TMCO4: variants seen among roughly 807,000 people sequenced by gnomAD.
The protein encoded by TMCO4 is transmembrane and coiled-coil domain-containing protein 4.
In TMCO4, 58 loss-of-function variants were observed where a neutral mutation model predicts 64.7. The observed-to-expected ratio is 0.90, with a 90% CI of 0.73 to 1.12. The LOEUF is 1.12. Ranked by LOEUF, TMCO4 falls within the 50% of genes most tolerant of loss-of-function variation. The pLI is 0.00. For missense variants in TMCO4, 780 were observed against 825.9 expected, an observed-to-expected ratio of 0.94 and a Z score of 0.68; for synonymous variants, 325 against 346.1, an observed-to-expected ratio of 0.94 and a Z score of 0.68.
At chr1:19,704,083 C>G (rs758186996) in intron 13 of TMCO4, among the ~76,000 whole-genome samples, 1 of 152,220 alleles carries the variant, frequency 6.6e-6, no homozygotes, top group Admixed American at 6.5e-5. Context: ...TGTCTGAATA[C>G]AGGGTTCCAG....
chr1:19,797,888 A>AAG (rs1385392229), intron 2 of TMCO4, among the ~76,000 whole-genome samples: 4 of 136,982 alleles, frequency 2.9e-5, no homozygotes, highest in Non-Finnish European at 3.2e-5. Flanking sequence ...AGAAGAAAGA[A>AAG]AGAGAGAGAG....
intron 13 of TMCO4, among the ~76,000 whole-genome samples, chr1:19,735,654 C>T (rs2095450895): frequency 6.6e-6 from 1 of 152,124 alleles, no homozygotes; most frequent in Admixed American, 6.5e-5. Context: ...GTTACCACAG[C>T]CAAATGGTTC....
At chr1:19,739,378 C>A (rs2095469270) in intron 12 of TMCO4, among the ~76,000 whole-genome samples, 1 of 152,216 alleles carries the variant, frequency 6.6e-6, no homozygotes. Flanking sequence ...ACCAGGCCAC[C>A]AGCATGTGGG....
intron 13 of TMCO4, among the ~76,000 whole-genome samples, chr1:19,712,629 A>G (rs1177877820): frequency 6.6e-6 from 1 of 151,960 alleles, no homozygotes; most frequent in Admixed American, 6.5e-5. Context: ...CAAAAAAAAA[A>G]AAAAAGAAAA....
intron 6 of TMCO4, among the ~76,000 whole-genome samples, chr1:19,770,285 C>A (rs988653211): frequency 6.6e-6 from 1 of 152,164 alleles, no homozygotes; most frequent in Non-Finnish European, 1.5e-5. Flanking sequence ...GGGAAGGAAC[C>A]AGATTCGAGA....
At chr1:19,703,602 C>T (rs2095286662) in intron 13 of TMCO4, among the ~76,000 whole-genome samples, 1 of 149,334 alleles carries the variant, frequency 6.7e-6, no homozygotes, top group Admixed American at 6.7e-5. Context: ...GGCTAGAGTG[C>T]AGTGGTGCAA....
intron 4 of TMCO4, among the ~76,000 whole-genome samples, chr1:19,779,695 A>C (rs2043369310): frequency 6.6e-6 from 1 of 152,202 alleles, no homozygotes; most frequent in Non-Finnish European, 1.5e-5. Context: ...TGAGGGCAGG[A>C]GCTGGGCCTT....
intron 2 of TMCO4, among the ~76,000 whole-genome samples, chr1:19,794,278 A>C (rs2044197912): frequency 6.6e-6 from 1 of 151,916 alleles, no homozygotes; most frequent in South Asian, 2.1e-4. Flanking sequence ...TAGCCCCTTA[A>C]CCCAGCTGCT....
intron 6 of TMCO4, among the ~76,000 whole-genome samples, chr1:19,760,266 G>A (rs2042440197): frequency 6.6e-6 from 1 of 152,052 alleles, no homozygotes; most frequent in South Asian, 2.1e-4. Context: ...CTCCCAAGTA[G>A]CTGGGACTAC....
intron 13 of TMCO4, among the ~76,000 whole-genome samples, chr1:19,711,801 GCATGCGC>G (rs886846318): frequency 2.6e-5 from 4 of 152,160 alleles, no homozygotes; most frequent in Admixed American, 2.0e-4. Context: ...GGGATTACAG[GCATGCGC>G]CACCATGCCT....
At position 19,743,996 on chromosome 1, in the gene TMCO4, C is replaced by T. The variant is rs2041651853; in HGVS notation, c.877+1536G>A. On this transcript the variant is annotated intron_variant, in intron 10 of 15. Coordinates refer to ENST00000294543, the MANE Select transcript of TMCO4 (RefSeq NM_181719.7). The surrounding 1 kb of genome is among the most constrained non-coding windows in gnomAD (Gnocchi z 4.1). The stretch of plus-strand genomic sequence containing the variant: ...ACCTCTGTGCATGGGTGGTGCCCGG[C>T]GGTCACACACCAATAAGACCCTGGC... 2.0e-5 allele frequency among the ~76,000 whole-genome samples: 3 copies of T among 152,204 alleles called. No homozygotes were observed. The highest frequency in any genetic ancestry group is 1.3e-4 in the Admixed American group (2 of 15,284).
chr1:19,724,043 A>G (rs561236431), intron 13 of TMCO4, among the ~76,000 whole-genome samples: 5 of 152,264 alleles, frequency 3.3e-5, no homozygotes, highest in African/African-American at 7.2e-5. Flanking sequence ...TTTGAAAGGC[A>G]GTCGGCAGGC....
chr1:19,764,824 A>T (rs2042659762), intron 6 of TMCO4, among the ~76,000 whole-genome samples: 1 of 144,288 alleles, frequency 6.9e-6, no homozygotes, highest in Non-Finnish European at 1.5e-5. Context: ...CATTGCACTC[A>T]AGAGTGAAAC....
At chr1:19,792,076 T>G (rs1039515055) in intron 2 of TMCO4, among the ~76,000 whole-genome samples, 1 of 152,210 alleles carries the variant, frequency 6.6e-6, no homozygotes, top group East Asian at 1.9e-4. Context: ...CCGCCATGAT[T>G]GTGAGGCCTC....
At position 19,785,056 on chromosome 1, in the gene TMCO4, C is replaced by T. The variant is rs61768339; in HGVS notation, c.-9+1970G>A. Among the ~76,000 whole-genome samples the T allele has an allele frequency of 6.1e-3, 928 of 152,240 alleles. 6 individuals are homozygous for T. The highest frequency in any genetic ancestry group is 8.8e-3 in the Non-Finnish European group (600 of 68,026). ...GTCCCCACACCGGTCTTGTTCACTA[C>T]GCTACAGCCACACTGGCTGTCTTTC... On this transcript the variant is annotated intron_variant, in intron 3 of 15. Transcript: ENST00000294543.
At chr1:19,726,479 C>T (rs528187406) in intron 13 of TMCO4, among the ~76,000 whole-genome samples, 9 of 151,696 alleles carry the variant, frequency 5.9e-5, no homozygotes, top group East Asian at 3.9e-4. Context: ...AAAAAAAACA[C>T]GGGTCAGCCA....
chr1:19,766,073 C>T (rs756917441), intron 6 of TMCO4, among the ~76,000 whole-genome samples: 2 of 150,094 alleles, frequency 1.3e-5, no homozygotes, highest in African/African-American at 2.5e-5. Flanking sequence ...ACCATGCATC[C>T]GTCAGAAGAC....
intron 15 of TMCO4, among the ~76,000 whole-genome samples, chr1:19,692,899 C>T (rs897515261): frequency 3.3e-5 from 5 of 150,822 alleles, no homozygotes; most frequent in Admixed American, 6.6e-5. Context: ...TGGTCAGGCA[C>T]GGTGGCTCAC....
chr1:19,745,903 G>A (rs1288110857), intron 9 of TMCO4, among the ~76,000 whole-genome samples: 1 of 152,186 alleles, frequency 6.6e-6, no homozygotes, highest in Non-Finnish European at 1.5e-5. Flanking sequence ...CAGAGCCCAG[G>A]CTCTCACCCA....
Sources: gnomAD v4.1 joint callset for allele counts (sites outside exome capture counted in the v4.1 genomes callset) on GRCh38, gnomAD v4.1.1 for gene constraint, Gnocchi (gnomAD v3.1) non-coding constraint, MANE v1.5 for transcripts, NCBI Gene and HGNC (gene_info 2026-07-23, HGNC 2026-07-21) for gene names.